Variants in CDK18 observed in about 807,000 individuals in gnomAD.
CDK18 encodes cyclin dependent kinase 18, also known as cyclin-dependent kinase 18.
In CDK18, 52 loss-of-function variants were observed where a neutral mutation model predicts 62.0. That is an observed-to-expected ratio of 0.84 (90% CI 0.67 to 1.06). CDK18 has a LOEUF of 1.06. Ranked by LOEUF, CDK18 falls within the 50% of genes least tolerant of loss-of-function variation. The probability of loss-of-function intolerance (pLI) is 0.00; values close to 1 mark genes in which losing one functional copy is unlikely to be tolerated. For missense variants in CDK18, 604 were observed against 619.9 expected, an observed-to-expected ratio of 0.97 and a Z score of 0.27; for synonymous variants, 237 against 247.0, an observed-to-expected ratio of 0.96 and a Z score of 0.38.
At chr1:205,512,616 C>T (rs1037726508) in intron 1 of CDK18, among the ~76,000 whole-genome samples, 2 of 152,140 alleles carry the variant, frequency 1.3e-5, no homozygotes, top group African/African-American at 4.8e-5. Flanking sequence ...AGAGGCGGGG[C>T]AATCCAAGTG....
intron 1 of CDK18, among the ~76,000 whole-genome samples, chr1:205,507,528 G>A (rs897728346): frequency 4.0e-5 from 6 of 151,398 alleles, no homozygotes; most frequent in Admixed American, 3.9e-4. Flanking sequence ...TAGCTACTCG[G>A]GAGGCTGAGG....
At position 205,525,213 on chromosome 1, in the gene CDK18, G is replaced by A; in HGVS notation, c.456+18G>A. ...TGGGAGAGGTAAGACGCTGGGTTTG[G>A]TCTTCTCCGAATAGCCAGGCAGGAT... On this transcript the variant is annotated intron_variant, in intron 5 of 15. Coordinates refer to ENST00000429964, the MANE Select transcript of CDK18 (RefSeq NM_212502.3). 6.3e-7 allele frequency: 1 copy of A among 1,599,418 alleles called. No individual in the cohort carries two copies. The highest frequency in any genetic ancestry group is 1.7e-5 in the Admixed American group (1 of 59,388).
intron 1 of CDK18, among the ~76,000 whole-genome samples, chr1:205,512,315 C>T (rs1200454814): frequency 1.3e-5 from 2 of 152,156 alleles, no homozygotes; most frequent in East Asian, 1.9e-4. Flanking sequence ...GGAAGTAAGT[C>T]CACCAGACCC....
chr1:205,518,890 T>C (rs1253137882), intron 1 of CDK18, among the ~76,000 whole-genome samples: 1 of 152,134 alleles, frequency 6.6e-6, no homozygotes, highest in Non-Finnish European at 1.5e-5. Flanking sequence ...CTGGCTGAGC[T>C]TTATGACTTA....
At chr1:205,530,471 A>C in intron 14 of CDK18, 122 bp downstream of exon 14, 1 of 1,223,092 alleles carries the variant, frequency 8.2e-7, no homozygotes, top group Middle Eastern at 1.9e-4. Context: ...AGCCCCGGGC[A>C]CCTTGCCTCC....
chr1:205,522,896 C>A (rs563530002), intron 1 of CDK18: 13 of 466,734 alleles, frequency 2.8e-5, no homozygotes, highest in Non-Finnish European at 5.0e-5. Flanking sequence ...CTGCACAGGG[C>A]GTGGCGGGGC....
chr1:205,511,176 C>T (rs762619253), intron 1 of CDK18, among the ~76,000 whole-genome samples: 5 of 152,236 alleles, frequency 3.3e-5, no homozygotes, highest in East Asian at 1.9e-4. Flanking sequence ...TTTAAGCAGT[C>T]GGTAAAAAGT....
intron 15 of CDK18, 101 bp from the exon 16 acceptor site, chr1:205,531,243 C>T: frequency 9.3e-7 from 1 of 1,079,828 alleles, no homozygotes; most frequent in Non-Finnish European, 1.4e-6. Flanking sequence ...CTTGCTTGCT[C>T]TGTCAGAGCA....
intron 6 of CDK18, 22 bp from the exon 7 acceptor site, chr1:205,526,345 A>T: frequency 6.3e-7 from 1 of 1,599,484 alleles, no homozygotes. Flanking sequence ...CTAGGGACCC[A>T]GGTGGATCTG....
intron 1 of CDK18, among the ~76,000 whole-genome samples, chr1:205,522,095 T>G (rs1475108815): frequency 6.6e-6 from 1 of 151,402 alleles, no homozygotes; most frequent in Non-Finnish European, 1.5e-5. Flanking sequence ...GGAGGGGAGG[T>G]GAGACAGCGC....
intron 13 of CDK18, 63 bp downstream of exon 13, chr1:205,529,626 T>C (rs1358561404): frequency 6.2e-7 from 1 of 1,612,154 alleles, no homozygotes; most frequent in Admixed American, 1.7e-5. Context: ...CTGTGCCCCA[T>C]GCCGGGCCTA....
chr1:205,515,714 G>T (rs890731287), intron 1 of CDK18, among the ~76,000 whole-genome samples: 3 of 152,150 alleles, frequency 2.0e-5, no homozygotes, highest in Admixed American at 6.5e-5. Flanking sequence ...CTCACTGCAG[G>T]ACATTTCTGA....
intron 1 of CDK18, among the ~76,000 whole-genome samples, chr1:205,511,868 A>G (rs931377838): frequency 2.0e-5 from 3 of 152,218 alleles, no homozygotes; most frequent in Admixed American, 1.3e-4. Context: ...AGCCTGGGTA[A>G]CATGGTGAAA....
chr1:205,519,944 A>G (rs1053929658), intron 1 of CDK18, among the ~76,000 whole-genome samples: 1 of 152,110 alleles, frequency 6.6e-6, no homozygotes, highest in Non-Finnish European at 1.5e-5. Context: ...GGACGGTTTT[A>G]TGGGGAAGCC....
chr1:205,528,652 T>C lies in CDK18; in HGVS notation c.975-347T>C. The C allele has an allele frequency of 3.3e-6, 1 of 300,070 alleles. No individual in the cohort carries two copies. Among genetic ancestry groups the C allele is most frequent in the Non-Finnish European group, 6.1e-6 (1 of 163,066 alleles). The allele number at this position is 300,070 out of a possible 1,614,324, so 18.6% of individuals were successfully genotyped here. A position where few individuals can be genotyped will look rare whatever the true frequency, so the allele number is the denominator to read the frequency against. ...TCCCCAGGAGAATGGATTTATGTAC[T>C]TCTCTTCCAGTGGGGCACACAGTGG... On this transcript the variant is annotated intron_variant, in intron 10 of 15. Transcript: ENST00000429964. This position sits in a 1 kb window ranked among gnomAD's most constrained non-coding sequence, Gnocchi z 4.2.
intron 1 of CDK18, among the ~76,000 whole-genome samples, chr1:205,511,726 T>C (rs1178399649): frequency 6.6e-6 from 1 of 152,148 alleles, no homozygotes; most frequent in Non-Finnish European, 1.5e-5. Context: ...ACGTACAGCT[T>C]TTACAAACTG....
intron 8 of CDK18, 66 bp downstream of exon 8, chr1:205,526,903 C>A: frequency 7.8e-7 from 1 of 1,276,908 alleles, no homozygotes; most frequent in Non-Finnish European, 1.1e-6. Context: ...AGTGTGGGGA[C>A]CCACTCTCAC....
At chr1:205,510,935 A>C (rs1274965675) in intron 1 of CDK18, among the ~76,000 whole-genome samples, 6 of 152,266 alleles carry the variant, frequency 3.9e-5, no homozygotes, top group Non-Finnish European at 8.8e-5. Flanking sequence ...GGCTTGCCCC[A>C]GCTGATGGCT....
intron 1 of CDK18, among the ~76,000 whole-genome samples, chr1:205,521,400 G>C (rs1668121259): frequency 6.6e-6 from 1 of 152,184 alleles, no homozygotes; most frequent in Non-Finnish European, 1.5e-5. Flanking sequence ...TTTTAGTAGA[G>C]ACAGGGTTTC....
Sources: allele counts gnomAD v4.1 joint callset (sites outside exome capture counted in the v4.1 genomes callset), GRCh38; gene constraint gnomAD v4.1.1; non-coding constraint Gnocchi (gnomAD v3.1); transcripts MANE v1.5; gene names NCBI Gene and HGNC (gene_info 2026-07-23, HGNC 2026-07-21).